The following THAP3 variants were observed in gnomAD, a reference collection of about 807,000 sequenced individuals.
The protein encoded by THAP3 is THAP domain-containing protein 3.
In THAP3, 12 loss-of-function variants were observed where a neutral mutation model predicts 17.7. That is an observed-to-expected ratio of 0.68 (90% CI 0.43 to 1.10). THAP3 has a LOEUF of 1.10. Ranked by LOEUF, THAP3 falls within the 50% of genes least tolerant of loss-of-function variation. The pLI, the probability that THAP3 is intolerant of heterozygous loss-of-function variation, is 0.00. For missense variants in THAP3, 289 were observed against 318.0 expected (o/e 0.91, Z 0.69); for synonymous variants, 133 against 126.9 (o/e 1.05, Z -0.32).
At chr1:6,635,566 T>C, downstream of THAP3, 1 of 1,176,330 alleles carries the variant, frequency 8.5e-7, no homozygotes, top group Non-Finnish European at 1.2e-6. Flanking sequence ...CCTTCTATAA[T>C]AATAATATAA....
chr1:6,628,488 T>C lies in THAP3; in HGVS notation c.75-11T>C. ...CTTGCTGGGCCTCACACCCCGTGCC[T>C]CTGCCCTTAGGTTTCCGTTCAGCCG... On this transcript the variant is annotated splice_polypyrimidine_tract_variant and intron_variant, in intron 2 of 5. Coordinates refer to ENST00000054650, the MANE Select transcript of THAP3 (RefSeq NM_001195753.2). 3 of 1,604,056 alleles carry C rather than the reference T, an allele frequency of 1.9e-6. No individual in the cohort carries two copies. Among genetic ancestry groups the C allele is most frequent in the Non-Finnish European group, 2.6e-6 (3 of 1,175,662 alleles).
chr1:6,630,725 C>T (rs1641587342), intron 4 of THAP3, among the ~76,000 whole-genome samples: 1 of 152,120 alleles, frequency 6.6e-6, no homozygotes, highest in South Asian at 2.1e-4. Flanking sequence ...TGCCCGCTAC[C>T]ACGCCCGGCT....
chr1:6,625,349 C>T lies in THAP3; in HGVS notation c.74+57C>T, dbSNP rs1478613256. 8.2e-6 allele frequency: 12 copies of T among 1,454,956 alleles called. No homozygotes were observed. In the East Asian group the frequency reaches 3.0e-4, roughly 36 times the overall value. 90.1% of individuals were successfully genotyped at this position (1,454,956 alleles called of 1,614,324 possible). On this transcript the variant is annotated intron_variant, in intron 2 of 5. Coordinates refer to ENST00000054650, the MANE Select transcript of THAP3 (RefSeq NM_001195753.2). ...CCCAGACCCGGGGCCCGCGGACCGACTCCGAGGCCTTGGCGCGCCGGGCGG... is the reference window on the plus strand; with the variant it reads ...CCCAGACCCGGGGCCCGCGGACCGATTCCGAGGCCTTGGCGCGCCGGGCGG...
In THAP3 at chr1:6,625,238, C is replaced by T. The variant is rs779307847; in HGVS notation, c.20C>T (p.Ala7Val). The change falls in exon 2 of 6, where the codon GCC (alanine) becomes GTC (valine). Residue 7 changes from alanine (A) to valine (V), a missense_variant. Physicochemically the swap from Ala to Val is moderately conservative, Grantham distance 64. Transcript: ENST00000054650. MPKSCA[A>V]RQCCNRYSSR... is the part of the protein sequence containing the mutation. ...CTCGAGATGCCGAAGTCGTGCGCGG[C>T]CCGGCAGTGCTGCAACCGCTACAGC... The T allele has an allele frequency of 3.2e-6, 5 of 1,544,960 alleles. No individual in the cohort carries two copies. Among genetic ancestry groups the T allele is most frequent in the South Asian group, 2.4e-5 (2 of 83,604 alleles).
At chr1:6,633,885 T>C, downstream of THAP3, 3 of 774,924 alleles carry the variant, frequency 3.9e-6, no homozygotes, top group Non-Finnish European at 4.1e-6. Flanking sequence ...CCTCTAGTAT[T>C]GTCACTGGGT....
At chr1:6,632,629 C>G in intron 5 of THAP3, 134 bp downstream of exon 5, 1 of 1,452,798 alleles carries the variant, frequency 6.9e-7, no homozygotes, top group South Asian at 1.3e-5. Context: ...TCAGAGCTCC[C>G]CAGTCAAATT....
downstream of THAP3, chr1:6,634,880 C>T (rs1227968207): frequency 8.3e-7 from 1 of 1,208,262 alleles, no homozygotes; most frequent in African/African-American, 1.6e-5. Flanking sequence ...CTTGAGCTGC[C>T]CTTGCCCAGC....
downstream of THAP3, chr1:6,634,767 G>C (rs374919459): frequency 2.3e-6 from 3 of 1,330,222 alleles, no homozygotes; most frequent in African/African-American, 3.0e-5. Flanking sequence ...CTGCAGGAGC[G>C]GGGAGCTGCA....
chr1:6,630,896 A>G (rs1315755850), intron 4 of THAP3, among the ~76,000 whole-genome samples: 1 of 147,610 alleles, frequency 6.8e-6, no homozygotes, highest in African/African-American at 2.5e-5. Flanking sequence ...TTTTGTAGAG[A>G]TAGCATCTTG....
chr1:6,630,117 C>G (rs1273622067), intron 3 of THAP3, among the ~76,000 whole-genome samples, 171 bp from the exon 4 acceptor site: 3 of 152,254 alleles, frequency 2.0e-5, no homozygotes, highest in Non-Finnish European at 4.4e-5. Context: ...AGAAGCGCAC[C>G]AAGCGGGCAG....
chr1:6,628,601 C>T lies in THAP3; in HGVS notation c.177C>T (p.Phe59=). 1 of 1,613,860 alleles carries T rather than the reference C, an allele frequency of 6.2e-7. No homozygotes were observed. ...ACACGGTCATCTGCTCCGAGCACTT[C>T]CGGCCAGAGTGCTTCAGCGCCTTTG... is the stretch of plus-strand genomic sequence containing the variant. The part of the protein sequence containing the change: ...KQHTVICSEH[F]RPECFSAFGN... The change falls in exon 3 of 6, where the codon TTC becomes TTT. Residue 59 remains phenylalanine, a synonymous_variant. Transcript: ENST00000054650.
chr1:6,625,570 C>T (rs1641445939), intron 2 of THAP3, among the ~76,000 whole-genome samples: 1 of 151,494 alleles, frequency 6.6e-6, no homozygotes, highest in Non-Finnish European at 1.5e-5. Context: ...GGGCCGCGGC[C>T]GGGGTTTGCT....
downstream of THAP3, chr1:6,634,048 C>A (rs771458645): frequency 6.2e-7 from 1 of 1,613,776 alleles, no homozygotes; most frequent in Admixed American, 1.7e-5. Flanking sequence ...GAAAATGGAA[C>A]CCCAGCTTCA....
Position 6,632,930 on chromosome 1 carries a change from A to T in THAP3, c.573A>T (p.Lys191Asn), listed in dbSNP as rs1200538170. ...ALLDLDSLKKKLFLTLKENEK... is the reference protein window; with the variant it reads ...ALLDLDSLKKNLFLTLKENEK... ...TGGACTTAGATTCCCTGAAGAAAAA[A>T]CTCTTCCTCACTCTGAAGGAAAATG... The change falls in exon 6 of 6, where the codon AAA becomes AAT. Residue 191 changes from lysine (K) to asparagine (N), a missense_variant. By Grantham distance (94) the Lys-to-Asn change is moderately conservative. Transcript: ENST00000054650. 6.2e-7 allele frequency: 1 copy of T among 1,611,658 alleles called. No individual in the cohort carries two copies. The highest frequency in any genetic ancestry group is 1.7e-5 in the Admixed American group (1 of 59,880).
At position 6,628,536 on chromosome 1, in the gene THAP3, G is replaced by T; in HGVS notation, c.112G>T (p.Val38Leu). ...CCGCCCGGAGCTGCTGAAGGAATGG[G>T]TGCTGAACATCGGCCGGGGCAACTT... The part of the protein sequence containing the change: ...FSRPELLKEW[V>L]LNIGRGNFKP... The change falls in exon 3 of 6, where the codon GTG becomes TTG. Residue 38 changes from valine to leucine, a missense_variant. Physicochemically the swap from Val to Leu is conservative, Grantham distance 32 (BLOSUM62 1). Coordinates refer to ENST00000054650, the MANE Select transcript of THAP3 (RefSeq NM_001195753.2). The T allele has an allele frequency of 1.2e-6, 2 of 1,613,756 alleles. No homozygotes were observed. The highest frequency in any genetic ancestry group is 8.5e-7 in the Non-Finnish European group (1 of 1,179,962).
chr1:6,632,767 G>A (rs370101835), intron 5 of THAP3, 29 bp from the exon 6 acceptor site: 16 of 1,611,860 alleles, frequency 9.9e-6, no homozygotes, highest in Non-Finnish European at 1.4e-5. Flanking sequence ...TGGTGATGCA[G>A]CTCTAGGCTC....
In THAP3 at chr1:6,625,171, C is replaced by CCCGCCG. The variant is rs758576853; in HGVS notation, c.-39_-34dup. On this transcript the variant is annotated 5_prime_UTR_variant, in exon 2 of 6. Transcript: ENST00000054650. Reference sequence around the variant, plus strand: ...GCAGGTCCCTCCCCTCTCCGCAGGCCCCGCCGCCGCCGCCATCTTTGTTGG... The same window carrying CCCGCCG: ...GCAGGTCCCTCCCCTCTCCGCAGGCCCCGCCGCCGCCGCCGCCGCCATCTTTGTTGG... 1.3e-6 allele frequency: 2 copies of CCCGCCG among 1,520,978 alleles called. No homozygotes were observed. The highest frequency in any genetic ancestry group is 1.8e-6 in the Non-Finnish European group (2 of 1,136,956). 94.2% of individuals were successfully genotyped at this position (1,520,978 alleles called of 1,614,324 possible).
rs1242730619 is a variant in THAP3 at position 6,628,723 on chromosome 1, C to T, written c.267+32C>T. On this transcript the variant is annotated intron_variant, in intron 3 of 5. Transcript: ENST00000054650. ...GGGCACTGCACCTTCCGTCTGGTCA[C>T]ATCCAGCCTGCGTTGTTTACCAGCA... 1.9e-6 allele frequency: 3 copies of T among 1,588,344 alleles called. No homozygotes were observed. The Admixed American group carries it at 5.3e-5, about 28-fold the overall frequency.
At chr1:6,635,035 T>C (rs1208545585), downstream of THAP3, 2 of 320,240 alleles carry the variant, frequency 6.2e-6, no homozygotes, top group Non-Finnish European at 1.1e-5. Context: ...CACTACCCTG[T>C]CCCAAGCCGA....
Sources: gnomAD v4.1 joint callset for allele counts (sites outside exome capture counted in the v4.1 genomes callset) on GRCh38, gnomAD v4.1.1 for gene constraint, MANE v1.5 for transcripts, NCBI Gene and HGNC (gene_info 2026-07-23, HGNC 2026-07-21) for gene names.